The following TEX11 variants were observed in gnomAD, a reference collection of about 807,000 sequenced individuals.
TEX11 encodes the protein testis expressed 11.
A neutral mutation model predicts 84.4 loss-of-function variants in TEX11; 7 were observed. The ratio of observed to expected loss-of-function variants is 0.08; its 90% confidence interval spans 0.05 to 0.16. TEX11 has a LOEUF of 0.16. TEX11 is among the 10% of genes least tolerant of loss of function. The probability of loss-of-function intolerance (pLI) is 1.00; values close to 1 mark genes in which losing one functional copy is unlikely to be tolerated. For synonymous variants in TEX11, 264 were observed against 222.8 expected (o/e 1.18, Z -1.64); for missense variants, 551 against 660.5 (o/e 0.83, Z 1.82).
At chrX:70,832,490 G>A (rs1326408248) in intron 8 of TEX11, among the ~76,000 whole-genome samples, 2 of 111,995 alleles carry the variant, frequency 1.8e-5, no homozygotes, top group Non-Finnish European at 3.8e-5. Flanking sequence ...TGTCTGATGT[G>A]ACATATAACA....
chrX:70,658,264 A>G (rs1371610661), intron 16 of TEX11, among the ~76,000 whole-genome samples: 1 of 110,650 alleles, frequency 9.0e-6, no homozygotes, highest in Non-Finnish European at 1.9e-5. Flanking sequence ...CAAAAATACA[A>G]AAATTAGCCG....
At chrX:70,547,636 GACATTTA>G (rs1245731441) in intron 28 of TEX11, among the ~76,000 whole-genome samples, 1 of 111,973 alleles carries the variant, frequency 8.9e-6, no homozygotes, top group Non-Finnish European at 1.9e-5. Context: ...CTCAAAAGAA[GACATTTA>G]TGCAGCCAAA....
intron 28 of TEX11, among the ~76,000 whole-genome samples, chrX:70,536,086 T>G (rs1233782229): frequency 9.0e-6 from 1 of 111,444 alleles, no homozygotes; most frequent in Non-Finnish European, 1.9e-5. Flanking sequence ...CTATCTGGAT[T>G]TTCTTTATTT....
chrX:70,659,305 T>A (rs1182551719), intron 16 of TEX11, among the ~76,000 whole-genome samples: 1 of 112,132 alleles, frequency 8.9e-6, no homozygotes, highest in Non-Finnish European at 1.9e-5. Context: ...TAATCATATT[T>A]TGGTAAGGGG....
chrX:70,727,581 G>A (rs1472992656), intron 11 of TEX11, among the ~76,000 whole-genome samples: 1 of 111,610 alleles, frequency 9.0e-6, no homozygotes, highest in African/African-American at 3.3e-5. Flanking sequence ...ACAATATACA[G>A]TTGCTATGGA....
intron 4 of TEX11, among the ~76,000 whole-genome samples, chrX:70,866,409 CA>C (rs201707772): frequency 2.0e-3 from 181 of 91,810 alleles, no homozygotes; most frequent in Non-Finnish European, 1.6e-3. Context: ...GCCTACCAAC[CA>C]AAAAAAAAAA....
At chrX:70,806,639 A>C (rs970007934) in intron 9 of TEX11, 66 bp downstream of exon 9, 18 of 768,203 alleles carry the variant, frequency 2.3e-5, no homozygotes, top group Non-Finnish European at 3.1e-5. Flanking sequence ...AGTACTCTAC[A>C]GTAAATATTA....
chrX:70,540,915 G>T (rs1412617457), intron 28 of TEX11, among the ~76,000 whole-genome samples: 2 of 112,547 alleles, frequency 1.8e-5, no homozygotes, highest in Admixed American at 9.4e-5. Context: ...ATTATGCTAA[G>T]TGAAAAGAAC....
chrX:70,694,222 T>A (rs1275603934), intron 13 of TEX11, among the ~76,000 whole-genome samples: 3 of 110,843 alleles, frequency 2.7e-5, no homozygotes, highest in African/African-American at 9.9e-5. Context: ...TTTTTGTATT[T>A]TTAGTACAGA....
chrX:70,547,628 C>T (rs747520456), intron 28 of TEX11, among the ~76,000 whole-genome samples: 1 of 111,925 alleles, frequency 8.9e-6, no homozygotes, highest in Admixed American at 9.5e-5. Flanking sequence ...AGACACTTCT[C>T]AAAAGAAGAC....
At chrX:70,677,810 C>CTTTTTTTT (rs35653618) in intron 15 of TEX11, among the ~76,000 whole-genome samples, 7 of 63,580 alleles carry the variant, frequency 1.1e-4, no homozygotes, top group Admixed American at 2.2e-4. Flanking sequence ...CTTTTCTTTC[C>CTTTTTTTT]TTTTTTTTTT....
intron 16 of TEX11, among the ~76,000 whole-genome samples, chrX:70,656,174 A>G: frequency 9.2e-6 from 1 of 108,911 alleles, no homozygotes. Flanking sequence ...CTGTGATCCC[A>G]GCACTTTGGG....
chrX:70,792,287 CAAAAAAAAA>C (rs1167182936), intron 9 of TEX11, among the ~76,000 whole-genome samples: 3 of 1,810 alleles, frequency 1.7e-3, no homozygotes, highest in African/African-American at 2.8e-3. Context: ...GGCTCTGTCT[CAAAAAAAAA>C]AAAAAAAAAA....
At chrX:70,524,390 A>G (rs1042941241), downstream of TEX11, among the ~76,000 whole-genome samples, 3 of 112,296 alleles carry the variant, frequency 2.7e-5, no homozygotes, top group Admixed American at 2.8e-4. Context: ...TCTCCTGTTC[A>G]GTGTTTTATC....
intron 2 of TEX11, among the ~76,000 whole-genome samples, chrX:70,900,801 G>C (rs2091799200): frequency 9.1e-6 from 1 of 110,355 alleles, no homozygotes; most frequent in Non-Finnish European, 1.9e-5. Context: ...TAAAAATACA[G>C]AAATTAGCCT....
chrX:70,565,033 T>C (rs1330140392), intron 25 of TEX11, among the ~76,000 whole-genome samples: 103 of 105,992 alleles, frequency 9.7e-4, no homozygotes, highest in Non-Finnish European at 1.2e-3. Flanking sequence ...AGTGTAAAAG[T>C]GTTCCTATTT....
chrX:70,572,925 A>G (rs1377653000), intron 25 of TEX11, among the ~76,000 whole-genome samples: 5 of 109,349 alleles, frequency 4.6e-5, no homozygotes, highest in Non-Finnish European at 7.6e-5. Context: ...TGGGTGCAGC[A>G]CACCAACATG....
chrX:70,705,570 G>A (rs1356730693), intron 13 of TEX11, among the ~76,000 whole-genome samples: 1 of 111,067 alleles, frequency 9.0e-6, no homozygotes, highest in African/African-American at 3.3e-5. Flanking sequence ...TCTGACAAAG[G>A]GCTAATATCC....
chrX:70,775,016 G>A lies in TEX11; in HGVS notation c.693-30797C>T, dbSNP rs142020886. Among the ~76,000 whole-genome samples, 1,095 of 111,608 alleles carry A rather than the reference G, an allele frequency of 9.8e-3. 8 individuals are homozygous for A. Among genetic ancestry groups the A allele is most frequent in the Non-Finnish European group, 0.015 (808 of 53,062 alleles). Reference sequence around the variant, plus strand: ...TATAAAAACAACACATAGACCAATGGAACAAAACAGATAATCCAGAAATAA... The same window carrying A: ...TATAAAAACAACACATAGACCAATGAAACAAAACAGATAATCCAGAAATAA... On this transcript the variant is annotated intron_variant, in intron 9 of 29. Coordinates refer to ENST00000374333, the MANE Select transcript of TEX11 (RefSeq NM_031276.3).
Sources: gnomAD v4.1 joint callset for allele counts (sites outside exome capture counted in the v4.1 genomes callset) on GRCh38, gnomAD v4.1.1 for gene constraint, MANE v1.5 for transcripts, NCBI Gene and HGNC (gene_info 2026-07-23, HGNC 2026-07-21) for gene names.